HAS3: variants seen among roughly 807,000 people sequenced by gnomAD.
HAS3 encodes the protein HA synthase 3.
Under a neutral mutation model 50.3 loss-of-function variants are expected in HAS3, and 27 were observed. The ratio of observed to expected loss-of-function variants is 0.54; its 90% CI spans 0.40 to 0.74. The LOEUF (loss-of-function observed/expected upper bound fraction) is 0.74, where lower values mean the gene tolerates loss of function less well. HAS3 is among the 30% of genes least tolerant of loss of function. The probability of loss-of-function intolerance (pLI) is 0.00; values close to 1 mark genes in which losing one functional copy is unlikely to be tolerated. For missense variants in HAS3, 517 were observed against 742.8 expected, an observed-to-expected ratio of 0.70 and a Z score of 3.53; for synonymous variants, 339 against 310.9, an observed-to-expected ratio of 1.09 and a Z score of -0.95.
At chr16:69,103,124 C>A (rs1019400046), upstream of HAS3, among the ~76,000 whole-genome samples, 1 of 152,078 alleles carries the variant, frequency 6.6e-6, no homozygotes, top group Non-Finnish European at 1.5e-5. Flanking sequence ...CTTCTCTTGA[C>A]AACAGAGCAC....
chr16:69,116,829 C>A lies in HAS3; in HGVS notation c.*1563C>A, dbSNP rs1406074585. 2.0e-6 allele frequency: 2 copies of A among 985,404 alleles called. No homozygotes were observed. The highest frequency in any genetic ancestry group is 2.3e-4 in the East Asian group (2 of 8,806). The allele number at this position is 985,404 out of a possible 1,614,324, so 61.0% of individuals were successfully genotyped here. On this transcript the variant is annotated 3_prime_UTR_variant, in exon 4 of 4. Transcript: ENST00000569188. The stretch of plus-strand genomic sequence containing the variant: ...GACTTAAGGGTTGCTTGCTTGCCCT[C>A]CAAATGTCCTTTCTCAGAGGGGCCA...
chr16:69,102,077 C>A (rs914093834), upstream of HAS3, among the ~76,000 whole-genome samples: 3 of 152,182 alleles, frequency 2.0e-5, no homozygotes, highest in Non-Finnish European at 4.4e-5. Flanking sequence ...AGCCACTGTG[C>A]CCGGCCTATA....
In HAS3 at chr16:69,115,949, CAA is replaced by C. The variant is rs1482519426; in HGVS notation, c.*685_*686del. On this transcript the variant is annotated 3_prime_UTR_variant, in exon 4 of 4. Transcript: ENST00000569188. ...AAAAAGGAAAGTTTGCCAGGAGGAA[CAA>C]AGAGATTGTGGTGGTGCTAAAGGAG... 1.0e-6 allele frequency: 1 copy of C among 985,664 alleles called. No homozygotes were observed. The highest frequency in any genetic ancestry group is 1.7e-5 in the African/African-American group (1 of 57,212). The allele number at this position is 985,664 out of a possible 1,614,324, so 61.1% of individuals were successfully genotyped here.
Position 69,107,386 on chromosome 16 carries a change from T to A in HAS3, c.-1+1599T>A. ...TGTCTACAGGCACACTTTGCCAAGG[T>A]AGCTGGGGTACCAGGAAGAGCAGGG... On this transcript the variant is annotated intron_variant, in intron 1 of 3. Transcript: ENST00000569188. The surrounding 1 kb of genome is among the most constrained non-coding windows in gnomAD (Gnocchi z 5.5). The A allele has an allele frequency of 1.0e-6, 1 of 985,310 alleles. No individual in the cohort carries two copies. Among genetic ancestry groups the A allele is most frequent in the Non-Finnish European group, 1.2e-6 (1 of 829,858 alleles). 61.0% of individuals were successfully genotyped at this position (985,310 alleles called of 1,614,324 possible).
At chr16:69,094,234 G>T in the HAS3 span, among the ~76,000 whole-genome samples, 7 of 152,182 alleles carry the variant, frequency 4.6e-5, no homozygotes, top group South Asian at 1.5e-3. Flanking sequence ...AGAGCTCCTG[G>T]GTGGGGTTTT....
chr16:69,096,711 G>A, the HAS3 span, among the ~76,000 whole-genome samples: 8 of 138,512 alleles, frequency 5.8e-5, no homozygotes, highest in South Asian at 1.0e-3. Flanking sequence ...TCCGCCTCCC[G>A]GGTTCAAGTG....
the HAS3 span, among the ~76,000 whole-genome samples, chr16:69,088,967 G>GT: frequency 6.6e-6 from 1 of 152,138 alleles, no homozygotes; most frequent in Non-Finnish European, 1.5e-5. Flanking sequence ...TACCCAGCCA[G>GT]TTTTTTCCCC....
upstream of HAS3, among the ~76,000 whole-genome samples, chr16:69,102,736 A>C (rs1309246175): frequency 6.6e-6 from 1 of 152,216 alleles, no homozygotes; most frequent in East Asian, 1.9e-4. Context: ...ACCACCTGGA[A>C]AACTCCGTGG....
intron 2 of HAS3, among the ~76,000 whole-genome samples, chr16:69,111,640 G>T (rs1246258128): frequency 6.6e-6 from 1 of 152,182 alleles, no homozygotes; most frequent in Non-Finnish European, 1.5e-5. Context: ...CATGAGGGTT[G>T]ATATGTTTAT....
chr16:69,107,004 C>G lies in HAS3; in HGVS notation c.-1+1217C>G, dbSNP rs1960823607. On this transcript the variant is annotated intron_variant, in intron 1 of 3. Transcript: ENST00000569188. The surrounding 1 kb of genome is among the most constrained non-coding windows in gnomAD (Gnocchi z 5.5). ...GTTCTCCTTCCGTAGTCCTGGGAGC[C>G]GGACTTGAGAGCGCCCCCAACCTTG... The G allele has an allele frequency of 6.6e-6, 1 of 152,258 alleles. No individual in the cohort carries two copies. Among genetic ancestry groups the G allele is most frequent in the Non-Finnish European group, 1.5e-5 (1 of 68,060 alleles). 9.4% of individuals were successfully genotyped at this position (152,258 alleles called of 1,614,324 possible).
Position 69,116,760 on chromosome 16 carries a change from C to T in HAS3, c.*1494C>T, listed in dbSNP as rs1282392480. On this transcript the variant is annotated 3_prime_UTR_variant, in exon 4 of 4. Transcript: ENST00000569188. ...CCAGTGACTTGCAATCCAGGCTGTT[C>T]TCAGCGTTTTGAGTTTAAAACCTGG... is the stretch of plus-strand genomic sequence containing the variant. 27 of 985,224 alleles carry T rather than the reference C, an allele frequency of 2.7e-5. No homozygotes were observed. The highest frequency in any genetic ancestry group is 3.1e-5 in the Non-Finnish European group (26 of 829,878). The allele number at this position is 985,224 out of a possible 1,614,324, so 61.0% of individuals were successfully genotyped here. A position where few individuals can be genotyped will look rare whatever the true frequency, so the allele number is the denominator to read the frequency against.
At chr16:69,097,321 A>G in the HAS3 span, among the ~76,000 whole-genome samples, 1 of 151,942 alleles carries the variant, frequency 6.6e-6, no homozygotes, top group Non-Finnish European at 1.5e-5. Flanking sequence ...CTAAAAATAC[A>G]AAAGTTAGCC....
Position 69,107,637 on chromosome 16 carries a change from C to T in HAS3, c.1-1759C>T, listed in dbSNP as rs1960851699. The T allele has an allele frequency of 1.0e-6, 1 of 985,414 alleles. No homozygotes were observed. The highest frequency in any genetic ancestry group is 1.2e-6 in the Non-Finnish European group (1 of 830,022). The allele number at this position is 985,414 out of a possible 1,614,324, so 61.0% of individuals were successfully genotyped here. Reference sequence around the variant, plus strand: ...CAGGTTGCTGGGCTGGCCTTGGCGCCCCCTTCCCCTACCCAGAGCGCAGGC... The same window carrying T: ...CAGGTTGCTGGGCTGGCCTTGGCGCTCCCTTCCCCTACCCAGAGCGCAGGC... On this transcript the variant is annotated intron_variant, in intron 1 of 3. Transcript: ENST00000569188. The surrounding 1 kb of genome is among the most constrained non-coding windows in gnomAD (Gnocchi z 5.5).
rs1433457861 is a variant in HAS3, at chr16:69,109,474, G to A, written c.79G>A (p.Ala27Thr). Residue 27 changes from alanine to threonine, a missense_variant, in exon 2 of 4, where the codon GCA becomes ACA. Physicochemically the swap from Ala to Thr is moderately conservative, Grantham distance 58 (BLOSUM62 0). Transcript: ENST00000569188. The surrounding 1 kb of genome is among the most constrained non-coding windows in gnomAD (Gnocchi z 5.3). ...CCTGGCAGTGCTGGGTGGCATCCTG[G>A]CAGCCTATGTGACGGGCTACCAGTT... ...FALAVLGGIL[A>T]AYVTGYQFIH... The A allele has an allele frequency of 6.2e-7, 1 of 1,613,716 alleles. No individual in the cohort carries two copies.
At chr16:69,090,420 T>C in the HAS3 span, among the ~76,000 whole-genome samples, 181 of 151,842 alleles carry the variant, frequency 1.2e-3, 1 homozygote, top group Middle Eastern at 0.01. Flanking sequence ...ACTTGGCACT[T>C]TTTTTTTGGA....
Position 69,114,217 on chromosome 16 carries a change from A to G in HAS3, c.739-126A>G. The G allele has an allele frequency of 7.0e-7, 1 of 1,434,168 alleles. No individual in the cohort carries two copies. The highest frequency in any genetic ancestry group is 9.3e-7 in the Non-Finnish European group (1 of 1,077,514). The allele number at this position is 1,434,168 out of a possible 1,614,324, so 88.8% of individuals were successfully genotyped here. ...TGAGCCTCAGGTTTCCCAGCTCCAA[A>G]GGAACCGATGGCCAGGAATCTAAGC... On this transcript the variant is annotated intron_variant, in intron 3 of 3. Transcript: ENST00000569188. This position sits in a 1 kb window ranked among gnomAD's most constrained non-coding sequence, Gnocchi z 6.4.
In HAS3 at chr16:69,116,177, GAC is replaced by G; in HGVS notation, c.*916_*917del. 3.0e-6 allele frequency: 3 copies of G among 985,460 alleles called. No individual in the cohort carries two copies. The highest frequency in any genetic ancestry group is 3.6e-6 in the Non-Finnish European group (3 of 829,892). The allele number at this position is 985,460 out of a possible 1,614,324, so 61.0% of individuals were successfully genotyped here. ...AAATTCAGCTCTGATCTGAGGCTAA[GAC>G]ACACTCCCCACTTCACTTTCTTCAA... On this transcript the variant is annotated 3_prime_UTR_variant, in exon 4 of 4. Coordinates refer to ENST00000569188, the MANE Select transcript of HAS3 (RefSeq NM_001199280.2).
At chr16:69,105,196 C>T (rs1351987591), upstream of HAS3, among the ~76,000 whole-genome samples, 1 of 151,240 alleles carries the variant, frequency 6.6e-6, no homozygotes, top group Non-Finnish European at 1.5e-5. Flanking sequence ...CAGGCTTGAG[C>T]CACGGCGCCC....
rs147173156 is a variant in HAS3, at chr16:69,109,598, G to A, written c.203G>A (p.Arg68Gln). ...AGCCTTTTTGCCTTCCTGGAGCACC[G>A]GCGCATGCGACGTGCCGGCCAGGCC... ...IQSLFAFLEHRRMRRAGQALK... is the reference protein window; with the variant it reads ...IQSLFAFLEHQRMRRAGQALK... Residue 68 changes from arginine (R) to glutamine (Q), a missense_variant, in exon 2 of 4, where the codon CGG becomes CAG. Physicochemically the swap from Arg to Gln is conservative, Grantham distance 43 (BLOSUM62 1). Coordinates refer to ENST00000569188, the MANE Select transcript of HAS3 (RefSeq NM_001199280.2). This position sits in a 1 kb window ranked among gnomAD's most constrained non-coding sequence, Gnocchi z 5.3. The A allele has an allele frequency of 2.4e-5, 38 of 1,612,700 alleles. No individual in the cohort carries two copies. The highest frequency in any genetic ancestry group is 1.6e-4 in the Middle Eastern group (1 of 6,062).
Sources: allele counts gnomAD v4.1 joint callset (sites outside exome capture counted in the v4.1 genomes callset), GRCh38; gene constraint gnomAD v4.1.1; non-coding constraint Gnocchi (gnomAD v3.1); transcripts MANE v1.5; gene names NCBI Gene and HGNC (gene_info 2026-07-23, HGNC 2026-07-21).